FAM120AOS: variants seen among roughly 807,000 people sequenced by gnomAD.
FAM120AOS encodes uncharacterized protein FAM120AOS.
FAM120AOS carries 15 observed loss-of-function variants against 20.2 expected under a neutral mutation model. The ratio of observed to expected loss-of-function variants is 0.74; its 90% CI spans 0.50 to 1.15. The LOEUF (loss-of-function observed/expected upper bound fraction) is 1.15, where lower values mean the gene tolerates loss of function less well. Among genes scored for constraint, FAM120AOS ranks in the 50% most tolerant of loss-of-function variants. The pLI, the probability that FAM120AOS is intolerant of heterozygous loss-of-function variation, is 0.00. For synonymous variants in FAM120AOS, 154 were observed against 154.0 expected, an observed-to-expected ratio of 1.00 and a Z score of 0.00; for missense variants, 327 against 351.9, an observed-to-expected ratio of 0.93 and a Z score of 0.57.
intron 1 of FAM120AOS, chr9:93,451,161 C>T: frequency 6.5e-7 from 1 of 1,550,312 alleles, no homozygotes; most frequent in African/African-American, 1.4e-5. Flanking sequence ...CAGCATCCCG[C>T]TCTCCCGGAC....
In FAM120AOS at chr9:93,445,583, GTTTTTTTTTTTTTTTT is replaced by G; in HGVS notation, c.*2012_*2027del. ...TTCTCCAACTTTCATAAAAATCGTTGTTTTTTTTTTTTTTTTTTTTTTTTGAGACAAGGCCTCACTC... is the reference window on the plus strand; with the variant it reads ...TTCTCCAACTTTCATAAAAATCGTTGTTTTTTTTGAGACAAGGCCTCACTC... On this transcript the variant is annotated 3_prime_UTR_variant, in exon 3 of 3. Transcript: ENST00000375412. Among the ~76,000 whole-genome samples the G allele has an allele frequency of 1.2e-5, 1 of 80,098 alleles. No homozygotes were observed. The highest frequency in any genetic ancestry group is 5.2e-5 in the African/African-American group (1 of 19,316). 52.5% of individuals were successfully genotyped at this position (80,098 alleles called of 152,430 possible).
At chr9:93,450,693 G>T in intron 1 of FAM120AOS, 94 bp from the exon 2 acceptor site, 1 of 1,528,720 alleles carries the variant, frequency 6.5e-7, no homozygotes, top group South Asian at 1.2e-5. Context: ...TATTCTGAAA[G>T]ACATTAATCT....
chr9:93,450,720 T>G (rs780265385), intron 1 of FAM120AOS, 121 bp from the exon 2 acceptor site: 1 of 1,443,528 alleles, frequency 6.9e-7, no homozygotes, highest in East Asian at 2.5e-5. Context: ...GAAAATGTTT[T>G]ATGCAAGCCT....
rs1185601973 is a variant in FAM120AOS, at chr9:93,447,353, C to T, written c.*258G>A. ...GCCCAGTATACACCAGGGGCTCAGT[C>T]GCTGTTTGTCTTATTTTCTTGTTGA... is the stretch of plus-strand genomic sequence containing the variant. On this transcript the variant is annotated 3_prime_UTR_variant, in exon 3 of 3. Coordinates refer to ENST00000375412, the MANE Select transcript of FAM120AOS (RefSeq NM_198841.4). 4 of 411,122 alleles carry T rather than the reference C, an allele frequency of 9.7e-6. No homozygotes were observed. The highest frequency in any genetic ancestry group is 7.6e-5 in the Admixed American group (2 of 26,216). The allele number at this position is 411,122 out of a possible 1,614,324, so 25.5% of individuals were successfully genotyped here. A position where few individuals can be genotyped will look rare whatever the true frequency, so the allele number is the denominator to read the frequency against.
intron 2 of FAM120AOS, chr9:93,448,452 C>A: frequency 4.4e-6 from 1 of 227,014 alleles, no homozygotes; most frequent in Non-Finnish European, 9.3e-6. Flanking sequence ...GAGAACACAT[C>A]ATTGTACTCC....
At chr9:93,450,110 C>G (rs1195860789) in intron 2 of FAM120AOS, among the ~76,000 whole-genome samples, 1 of 152,174 alleles carries the variant, frequency 6.6e-6, no homozygotes, top group Non-Finnish European at 1.5e-5. Flanking sequence ...CCTCAGCCTC[C>G]CAAGTAGCTG....
At position 93,447,133 on chromosome 9, in the gene FAM120AOS, C is replaced by T. The variant is rs574945746; in HGVS notation, c.*478G>A. 1 of 156,164 alleles carries T rather than the reference C, an allele frequency of 6.4e-6. No homozygotes were observed. Among genetic ancestry groups the T allele is most frequent in the African/African-American group, 2.4e-5 (1 of 41,592 alleles). The allele number at this position is 156,164 out of a possible 1,614,324, so 9.7% of individuals were successfully genotyped here. On this transcript the variant is annotated 3_prime_UTR_variant, in exon 3 of 3. Coordinates refer to ENST00000375412, the MANE Select transcript of FAM120AOS (RefSeq NM_198841.4). ...GGAATTCAGATGGGATTACCATCCC[C>T]ACTATAAAGGGCAATATGATCTGTT...
Position 93,453,365 on chromosome 9 carries a change from A to G in FAM120AOS, c.-656T>C. 1 of 985,558 alleles carries G rather than the reference A, an allele frequency of 1.0e-6. No individual in the cohort carries two copies. Among genetic ancestry groups the G allele is most frequent in the Non-Finnish European group, 1.2e-6 (1 of 830,000 alleles). The allele number at this position is 985,558 out of a possible 1,614,324, so 61.1% of individuals were successfully genotyped here. A position where few individuals can be genotyped will look rare whatever the true frequency, so the allele number is the denominator to read the frequency against. ...CAGCAGTGACTGTGAAGATAAGCAC[A>G]TCCATGATCCTGGACTTCACGTTCT... is the stretch of plus-strand genomic sequence containing the variant. On this transcript the variant is annotated 5_prime_UTR_variant, in exon 1 of 3. The change abolishes an upstream ATG in the 5' untranslated region. Coordinates refer to ENST00000375412, the MANE Select transcript of FAM120AOS (RefSeq NM_198841.4).
At position 93,452,523 on chromosome 9, in the gene FAM120AOS, G is replaced by T. The variant is rs1857298233; in HGVS notation, c.187C>A (p.Leu63Ile). Residue 63 changes from leucine to isoleucine, a missense_variant, in exon 1 of 3, where the codon CTA (leucine) becomes ATA (isoleucine). This residue lies in a region of FAM120AOS where 155 missense variants were observed against 128.8 expected (regional missense o/e 1.20). Coordinates refer to ENST00000375412, the MANE Select transcript of FAM120AOS (RefSeq NM_198841.4). The surrounding 1 kb of genome is among the most constrained non-coding windows in gnomAD (Gnocchi z 7.0). The stretch of plus-strand genomic sequence containing the variant: ...GTTCCCCCAGCCCTTGCCCGGGATA[G>T]CCTGGCCGGGCCGGGCTGCAAGATG... ...PSILQPGPAR[L>I]SRARAGGTRC... 1 of 1,555,454 alleles carries T rather than the reference G, an allele frequency of 6.4e-7. No homozygotes were observed. Among genetic ancestry groups the T allele is most frequent in the South Asian group, 1.1e-5 (1 of 87,704 alleles).
Position 93,453,464 on chromosome 9 carries a change from C to G in FAM120AOS, c.-755G>C, listed in dbSNP as rs1857384169. ...CTTTTTGTTGTCTTAGCTCTTGACA[C>G]TCGGTCTTCCATCTTGTCATTTGAC... is the stretch of plus-strand genomic sequence containing the variant. On this transcript the variant is annotated 5_prime_UTR_variant, in exon 1 of 3. Transcript: ENST00000375412. 28 of 985,484 alleles carry G rather than the reference C, an allele frequency of 2.8e-5. No homozygotes were observed. Among genetic ancestry groups the G allele is most frequent in the Non-Finnish European group, 3.4e-5 (28 of 829,950 alleles). 61.0% of individuals were successfully genotyped at this position (985,484 alleles called of 1,614,324 possible).
At chr9:93,448,404 G>A (rs945941485) in intron 2 of FAM120AOS, 1 of 183,740 alleles carries the variant, frequency 5.4e-6, no homozygotes, top group Non-Finnish European at 1.2e-5. Flanking sequence ...TGAGGCAGGA[G>A]ATCACTTGAA....
At chr9:93,450,300 T>C (rs1857070003) in intron 2 of FAM120AOS, among the ~76,000 whole-genome samples, 179 bp downstream of exon 2, 1 of 152,260 alleles carries the variant, frequency 6.6e-6, no homozygotes, top group African/African-American at 2.4e-5. Context: ...GTATTATTTT[T>C]AGATAACATG....
Position 93,452,815 on chromosome 9 carries a change from G to A in FAM120AOS, c.-106C>T. 3 of 1,577,586 alleles carry A rather than the reference G, an allele frequency of 1.9e-6. No individual in the cohort carries two copies. The highest frequency in any genetic ancestry group is 2.3e-5 in the South Asian group (2 of 88,614). On this transcript the variant is annotated 5_prime_UTR_variant, in exon 1 of 3. Transcript: ENST00000375412. This position sits in a 1 kb window ranked among gnomAD's most constrained non-coding sequence, Gnocchi z 7.0. ...AGCAACAGGTTCATCTTGGAAGCAG[G>A]CAGGATACAGAGTAATAGAGGGGGT...
At position 93,452,401 on chromosome 9, in the gene FAM120AOS, G is replaced by A. The variant is rs1203291272; in HGVS notation, c.309C>T (p.Ile103=). The change falls in exon 1 of 3, where the codon ATC becomes ATT. Residue 103 remains isoleucine (I), a synonymous_variant. Transcript: ENST00000375412. The surrounding 1 kb of genome is among the most constrained non-coding windows in gnomAD (Gnocchi z 7.0). ...GCTTCCACGTCAAGGTGAGGCCGGG[G>A]ATCCGGGCGGGCCGGGGACCGGGGC... ...RRGPGPRPAR[I]PGLTLTWKRM... is the part of the protein sequence containing the mutation. 5.0e-6 allele frequency: 8 copies of A among 1,596,834 alleles called. No individual in the cohort carries two copies. In the Admixed American group the frequency reaches 8.6e-5, roughly 17 times the overall value.
chr9:93,452,520 A>G lies in FAM120AOS; in HGVS notation c.190T>C (p.Ser64Pro), dbSNP rs771538981. The change falls in exon 1 of 3, where the codon TCC (serine) becomes CCC (proline). Residue 64 changes from serine to proline, a missense_variant. By Grantham distance (74) the Ser-to-Pro change is moderately conservative. This residue lies in a region of FAM120AOS where 155 missense variants were observed against 128.8 expected (regional missense o/e 1.20). Transcript: ENST00000375412. This position sits in a 1 kb window ranked among gnomAD's most constrained non-coding sequence, Gnocchi z 7.0. ...CGAGTTCCCCCAGCCCTTGCCCGGG[A>G]TAGCCTGGCCGGGCCGGGCTGCAAG... is the stretch of plus-strand genomic sequence containing the variant. ...SILQPGPARL[S>P]RARAGGTRCP... 5.1e-6 allele frequency: 8 copies of G among 1,554,116 alleles called. No individual in the cohort carries two copies. The East Asian group carries it at 1.2e-4, about 23-fold the overall frequency.
rs547250481 is a variant in FAM120AOS at position 93,446,779 on chromosome 9, T to G, written c.*832A>C. The G allele has an allele frequency of 4.6e-5, 7 of 152,278 alleles. No homozygotes were observed. Among genetic ancestry groups the G allele is most frequent in the African/African-American group, 1.7e-4 (7 of 41,552 alleles). 9.4% of individuals were successfully genotyped at this position (152,278 alleles called of 1,614,324 possible). On this transcript the variant is annotated 3_prime_UTR_variant, in exon 3 of 3. Coordinates refer to ENST00000375412, the MANE Select transcript of FAM120AOS (RefSeq NM_198841.4). ...CTCTTCTCTTCCACATAGATATTTT[T>G]GCATCAGCCCAAAGCTATTTGGACA...
At chr9:93,451,879 C>T in intron 1 of FAM120AOS, 1 of 1,200,382 alleles carries the variant, frequency 8.3e-7, no homozygotes, top group South Asian at 3.5e-5. Context: ...CCCCGCCGCC[C>T]CCCGCCCGCA....
chr9:93,445,586 T>TG lies in FAM120AOS; in HGVS notation c.*2024_*2025insC, dbSNP rs1456449913. 2.0e-3 allele frequency among the ~76,000 whole-genome samples: 268 copies of TG among 136,342 alleles called. No homozygotes were observed. The highest frequency in any genetic ancestry group is 7.7e-3 in the African/African-American group (261 of 33,688). 89.4% of individuals were successfully genotyped at this position (136,342 alleles called of 152,430 possible). A position where few individuals can be genotyped will look rare whatever the true frequency, so the allele number is the denominator to read the frequency against. On this transcript the variant is annotated 3_prime_UTR_variant, in exon 3 of 3. Transcript: ENST00000375412. ...TCCAACTTTCATAAAAATCGTTGTT[T>TG]TTTTTTTTTTTTTTTTTTTTTGAGA...
rs1432259560 is a variant in FAM120AOS, at chr9:93,445,055, A to C, written c.*2556T>G. Among the ~76,000 whole-genome samples, 2 of 152,234 alleles carry C rather than the reference A, an allele frequency of 1.3e-5. No homozygotes were observed. The highest frequency in any genetic ancestry group is 2.9e-5 in the Non-Finnish European group (2 of 68,040). ...AGTTCTTGAGATGTTTGGGCTGACCATGAAGGGATCCATTATCTGAAGAGT... is the reference window on the plus strand; with the variant it reads ...AGTTCTTGAGATGTTTGGGCTGACCCTGAAGGGATCCATTATCTGAAGAGT... On this transcript the variant is annotated 3_prime_UTR_variant, in exon 3 of 3. Transcript: ENST00000375412.
Sources: allele counts gnomAD v4.1 joint callset (sites outside exome capture counted in the v4.1 genomes callset), GRCh38; gene constraint gnomAD v4.1.1; regional missense constraint gnomAD v4.1.1; non-coding constraint Gnocchi (gnomAD v3.1); transcripts MANE v1.5; gene names NCBI Gene and HGNC (gene_info 2026-07-23, HGNC 2026-07-21).